The following POMT1 variants were observed in gnomAD, a reference collection of about 807,000 sequenced individuals.
The protein encoded by POMT1 is protein O-mannosyl-transferase 1.
A neutral mutation model predicts 101.6 loss-of-function variants in POMT1; 85 were observed. The ratio of observed to expected loss-of-function variants is 0.84; its 90% CI spans 0.70 to 1.00. The LOEUF (loss-of-function observed/expected upper bound fraction) is 1.00. POMT1 is among the 50% of genes least tolerant of loss of function. The pLI is 0.00. For missense variants in POMT1, 857 were observed against 930.4 expected (o/e 0.92, Z 1.03); for synonymous variants, 371 against 383.0 (o/e 0.97, Z 0.37).
At chr9:131,514,090 A>G (rs922128087) in intron 12 of POMT1, among the ~76,000 whole-genome samples, 1 of 152,024 alleles carries the variant, frequency 6.6e-6, no homozygotes, top group Non-Finnish European at 1.5e-5. Flanking sequence ...CTCCCATTGC[A>G]TGTTGATTCC....
In POMT1 at chr9:131,523,536, C is replaced by CCTG; in HGVS notation, c.*430_*431insCTG. 1 of 278,908 alleles carries CCTG rather than the reference C, an allele frequency of 3.6e-6. No homozygotes were observed. The highest frequency in any genetic ancestry group is 3.8e-5 in the South Asian group (1 of 26,616). The allele number at this position is 278,908 out of a possible 1,614,324, so 17.3% of individuals were successfully genotyped here. ...AACCTGAGCAAGTCCCGGCCCTGCC[C>CCTG]TCAGCGAGCCCGGCAGGCGTCCTGG... On this transcript the variant is annotated 3_prime_UTR_variant, in exon 20 of 20. Coordinates refer to ENST00000402686, the MANE Select transcript of POMT1 (RefSeq NM_001077365.2).
intron 12 of POMT1, 76 bp downstream of exon 12, chr9:131,513,407 C>T (rs982715419): frequency 2.4e-5 from 33 of 1,375,366 alleles, no homozygotes; most frequent in Admixed American, 3.9e-5. Flanking sequence ...AAAACGTGAG[C>T]CCTGCCTTGG....
At chr9:131,513,888 C>T (rs1237521089) in intron 12 of POMT1, among the ~76,000 whole-genome samples, 1 of 152,222 alleles carries the variant, frequency 6.6e-6, no homozygotes, top group Non-Finnish European at 1.5e-5. Flanking sequence ...TCTGAGGGCC[C>T]TCCGGCCTTG....
intron 11 of POMT1, 118 bp from the exon 12 acceptor site, chr9:131,513,121 C>A: frequency 1.2e-6 from 1 of 802,926 alleles, no homozygotes; most frequent in Non-Finnish European, 2.1e-6. Context: ...TCATGTGAGG[C>A]ACACATGGGT....
intron 13 of POMT1, among the ~76,000 whole-genome samples, chr9:131,517,350 C>T (rs542273787): frequency 6.6e-6 from 1 of 152,172 alleles, no homozygotes; most frequent in Non-Finnish European, 1.5e-5. Context: ...CCCACCTCTG[C>T]CTCTTGGTAT....
chr9:131,509,279 T>C (rs140475258), intron 6 of POMT1, among the ~76,000 whole-genome samples: 1 of 152,084 alleles, frequency 6.6e-6, no homozygotes, highest in Non-Finnish European at 1.5e-5. Context: ...GTCTCCCGAG[T>C]AGCTGAGATT....
At chr9:131,510,749 G>A (rs747759666) in intron 9 of POMT1, 1 of 372,480 alleles carries the variant, frequency 2.7e-6, no homozygotes, top group Non-Finnish European at 5.2e-6. Flanking sequence ...CAAGTGATCC[G>A]CCTGCCTCGG....
chr9:131,518,982 C>T (rs1040790545), intron 15 of POMT1, 25 bp downstream of exon 15: 15 of 1,612,646 alleles, frequency 9.3e-6, no homozygotes, highest in African/African-American at 2.7e-5. Context: ...TGGCTTCCGC[C>T]GCTCCTGGAA....
At position 131,522,146 on chromosome 9, in the gene POMT1, A is replaced by G. The variant is rs2131922603; in HGVS notation, c.1925A>G (p.Tyr642Cys). Reference protein sequence around the residue: ...FFLMEKTLFLYHYLPALTFQI... With the variant: ...FFLMEKTLFLCHYLPALTFQI... ...CTGATGGAGAAGACACTCTTCCTCT[A>G]CCACTACCTGCCCGCACTCACCTTC... The change falls in exon 19 of 20, where the codon TAC (tyrosine) becomes TGC (cysteine). Residue 642 changes from tyrosine (Y) to cysteine (C), a missense_variant. By Grantham distance (194) the Tyr-to-Cys change is radical. Transcript: ENST00000402686. The surrounding 1 kb of genome is among the most constrained non-coding windows in gnomAD (Gnocchi z 5.5). 6.2e-7 allele frequency: 1 copy of G among 1,614,134 alleles called. No individual in the cohort carries two copies. Among genetic ancestry groups the G allele is most frequent in the East Asian group, 2.2e-5 (1 of 44,888 alleles).
At chr9:131,514,449 A>T (rs1947846945) in intron 12 of POMT1, among the ~76,000 whole-genome samples, 1 of 152,190 alleles carries the variant, frequency 6.6e-6, no homozygotes, top group Admixed American at 6.5e-5. Flanking sequence ...CTGGGATGTC[A>T]CTGCATCCAA....
chr9:131,521,816 C>CCGT (rs1949983726), intron 18 of POMT1, among the ~76,000 whole-genome samples: 1 of 152,166 alleles, frequency 6.6e-6, no homozygotes, highest in Non-Finnish European at 1.5e-5. Flanking sequence ...CCCATGTTGC[C>CCGT]CGTATGCGCT....
chr9:131,515,847 G>A (rs1316423945), intron 13 of POMT1, among the ~76,000 whole-genome samples: 2 of 116,398 alleles, frequency 1.7e-5, no homozygotes, highest in African/African-American at 3.3e-5. Context: ...CTCACACGGA[G>A]CACTTCCTCA....
intron 17 of POMT1, among the ~76,000 whole-genome samples, chr9:131,520,424 G>A (rs921588652): frequency 1.3e-5 from 2 of 152,208 alleles, no homozygotes; most frequent in Non-Finnish European, 2.9e-5. Flanking sequence ...CTTTTGTGGA[G>A]ACACATTGTT....
At chr9:131,506,965 G>A (rs1252171301) in intron 4 of POMT1, among the ~76,000 whole-genome samples, 2 of 151,976 alleles carry the variant, frequency 1.3e-5, no homozygotes, top group Non-Finnish European at 2.9e-5. Context: ...AACTCGGGAG[G>A]CTGAGGCAGG....
chr9:131,520,375 G>A lies in POMT1; in HGVS notation c.1698+182G>A, dbSNP rs577525563. Among the ~76,000 whole-genome samples the A allele has an allele frequency of 2.6e-5, 4 of 152,370 alleles. No homozygotes were observed. In the South Asian group the frequency reaches 8.3e-4, roughly 32 times the overall value. On this transcript the variant is annotated intron_variant, in intron 17 of 19. Transcript: ENST00000402686. ...GCAACCTGGAGCCAGGAGTAGGGGT[G>A]TGGCATGTGTGCCTGTTGAAGGAAA...
At chr9:131,512,548 G>T (rs1479393343) in intron 11 of POMT1, among the ~76,000 whole-genome samples, 1 of 152,110 alleles carries the variant, frequency 6.6e-6, no homozygotes, top group African/African-American at 2.4e-5. Flanking sequence ...TCTCCTGATG[G>T]TGTCCTCCCA....
In POMT1 at chr9:131,510,402, A is replaced by G; in HGVS notation, c.842A>G (p.Gln281Arg). 2 of 1,614,178 alleles carry G rather than the reference A, an allele frequency of 1.2e-6. No homozygotes were observed. Among genetic ancestry groups the G allele is most frequent in the Non-Finnish European group, 1.7e-6 (2 of 1,180,006 alleles). Residue 281 changes from glutamine to arginine, a missense_variant, in exon 9 of 20, where the codon CAG (glutamine) becomes CGG (arginine). Coordinates refer to ENST00000402686, the MANE Select transcript of POMT1 (RefSeq NM_001077365.2). Reference protein sequence around the residue: ...PHDQIMSSAFQASLEGGLARI... With the variant: ...PHDQIMSSAFRASLEGGLARI... ...GACCAAATCATGTCCAGTGCCTTCC[A>G]GGCCAGCTTAGAGGTAAGTAAGCAG...
intron 12 of POMT1, among the ~76,000 whole-genome samples, chr9:131,514,225 CG>C (rs1947786816): frequency 6.6e-6 from 1 of 152,182 alleles, no homozygotes. Context: ...GCCTGCGGAC[CG>C]TGCACAACCC....
chr9:131,522,613 T>G lies in POMT1; in HGVS notation c.2004-319T>G. ...GAAAGCTTCTAAACCAGAGTGTGTT[T>G]GGAGGTTGGAGCAGAGGGCGAGGGC... On this transcript the variant is annotated intron_variant, in intron 19 of 19. Transcript: ENST00000402686. The surrounding 1 kb of genome is among the most constrained non-coding windows in gnomAD (Gnocchi z 5.5). 1 of 532,754 alleles carries G rather than the reference T, an allele frequency of 1.9e-6. No homozygotes were observed. The highest frequency in any genetic ancestry group is 3.4e-6 in the Non-Finnish European group (1 of 295,062). 33.0% of individuals were successfully genotyped at this position (532,754 alleles called of 1,614,324 possible).
Sources: allele counts gnomAD v4.1 joint callset (sites outside exome capture counted in the v4.1 genomes callset), GRCh38; gene constraint gnomAD v4.1.1; non-coding constraint Gnocchi (gnomAD v3.1); transcripts MANE v1.5; gene names NCBI Gene and HGNC (gene_info 2026-07-23, HGNC 2026-07-21).